Variants in ZNF865 observed in about 807,000 individuals in gnomAD.
The protein encoded by ZNF865 is zinc finger protein 865.
For missense variants in ZNF865, 1,311 were observed against 1,593.4 expected (o/e 0.82, Z 3.02); for synonymous variants, 763 against 750.8 (o/e 1.02, Z -0.27).
chr19:55,616,686 GCGAGGGCTTCGCCAACA>G lies in ZNF865; in HGVS notation c.3070_3086del (p.Glu1024LeufsTer102). ...CGGCCCTTCCGCTGCTCCTCCTGCGGCGAGGGCTTCGCCAACACCTACGGCCTCAAGAAACACCGCCT... is the reference window on the plus strand; with the variant it reads ...CGGCCCTTCCGCTGCTCCTCCTGCGGCCTACGGCCTCAAGAAACACCGCCT... On this transcript the variant is annotated frameshift_variant, in exon 2 of 2. Coordinates refer to ENST00000568956, the MANE Select transcript of ZNF865 (RefSeq NM_001195605.2). LOFTEE classifies it low-confidence loss of function (END_TRUNC). 1 of 1,530,166 alleles carries G rather than the reference GCGAGGGCTTCGCCAACA, an allele frequency of 6.5e-7. No individual in the cohort carries two copies. Among genetic ancestry groups the G allele is most frequent in the Non-Finnish European group, 8.7e-7 (1 of 1,144,392 alleles). The allele number at this position is 1,530,166 out of a possible 1,614,324, so 94.8% of individuals were successfully genotyped here.
chr19:55,614,118 C>T lies in ZNF865; in HGVS notation c.500C>T (p.Pro167Leu). Residue 167 changes from proline to leucine, a missense_variant, in exon 2 of 2, where the codon CCC (proline) becomes CTC (leucine). Transcript: ENST00000568956. This position sits in a 1 kb window ranked among gnomAD's most constrained non-coding sequence, Gnocchi z 8.0. ...TTTGGGAACCTGAAGCGAGGAGGGCCCGCGTCCGGGCCGGGGGTGACGCCT... is the reference window on the plus strand; with the variant it reads ...TTTGGGAACCTGAAGCGAGGAGGGCTCGCGTCCGGGCCGGGGGTGACGCCT... ...HLFGNLKRGG[P>L]ASGPGVTPGL... 7.0e-7 allele frequency: 1 copy of T among 1,430,314 alleles called. No homozygotes were observed. The highest frequency in any genetic ancestry group is 9.1e-7 in the Non-Finnish European group (1 of 1,101,496). The allele number at this position is 1,430,314 out of a possible 1,614,324, so 88.6% of individuals were successfully genotyped here.
chr19:55,613,667 G>A lies in ZNF865; in HGVS notation c.49G>A (p.Gly17Ser), dbSNP rs2123589962. 2 of 1,530,138 alleles carry A rather than the reference G, an allele frequency of 1.3e-6. No individual in the cohort carries two copies. Among genetic ancestry groups the A allele is most frequent in the South Asian group, 2.4e-5 (2 of 83,432 alleles). The allele number at this position is 1,530,138 out of a possible 1,614,324, so 94.8% of individuals were successfully genotyped here. The change falls in exon 2 of 2, where the codon GGC (glycine) becomes AGC (serine). Residue 17 changes from glycine (G) to serine (S), a missense_variant. By Grantham distance (56) the Gly-to-Ser change is moderately conservative (BLOSUM62 0). Transcript: ENST00000568956. ...GSGAGGGGSS[G>S]IGGEDGVHFQ... ...CGGCGCCGGGGGTGGCGGGAGCAGCGGCATCGGGGGCGAGGACGGGGTGCA... is the reference window on the plus strand; with the variant it reads ...CGGCGCCGGGGGTGGCGGGAGCAGCAGCATCGGGGGCGAGGACGGGGTGCA...
At position 55,615,822 on chromosome 19, in the gene ZNF865, A is replaced by C; in HGVS notation, c.2204A>C (p.Gln735Pro). The C allele has an allele frequency of 6.6e-7, 1 of 1,508,432 alleles. No homozygotes were observed. The allele number at this position is 1,508,432 out of a possible 1,614,324, so 93.4% of individuals were successfully genotyped here. A position where few individuals can be genotyped will look rare whatever the true frequency, so the allele number is the denominator to read the frequency against. ...CTCCCGCCCGCACCCGGCGGCCTGC[A>C]GCCCCCGGACGGCTCCAGCGGCACG... ...RLLPPAPGGL[Q>P]PPDGSSGTDA... Residue 735 changes from glutamine (Q) to proline (P), a missense_variant, in exon 2 of 2, where the codon CAG becomes CCG. Transcript: ENST00000568956.
At position 55,614,473 on chromosome 19, in the gene ZNF865, C is replaced by T. The variant is rs1981267407; in HGVS notation, c.855C>T (p.Pro285=). ...TGCCACCGGCCGCGGGGGGCCCGCC[C>T]CAGCCCGGCCCCCACCTCCCGCCGC... ...KDVPPAAGGP[P]QPGPHLPPLG... is the part of the protein sequence containing the mutation. Residue 285 remains proline, a synonymous_variant, in exon 2 of 2, where the codon CCC becomes CCT. Transcript: ENST00000568956. The surrounding 1 kb of genome is among the most constrained non-coding windows in gnomAD (Gnocchi z 8.0). 3 of 1,383,040 alleles carry T rather than the reference C, an allele frequency of 2.2e-6. No individual in the cohort carries two copies. The highest frequency in any genetic ancestry group is 1.5e-5 in the African/African-American group (1 of 65,804). The allele number at this position is 1,383,040 out of a possible 1,614,324, so 85.7% of individuals were successfully genotyped here.
chr19:55,614,470 G>T lies in ZNF865; in HGVS notation c.852G>T (p.Pro284=), dbSNP rs1265369190. Residue 284 remains proline, a synonymous_variant, in exon 2 of 2, where the codon CCG becomes CCT. Coordinates refer to ENST00000568956, the MANE Select transcript of ZNF865 (RefSeq NM_001195605.2). The surrounding 1 kb of genome is among the most constrained non-coding windows in gnomAD (Gnocchi z 8.0). ...ACGTGCCACCGGCCGCGGGGGGCCCGCCCCAGCCCGGCCCCCACCTCCCGC... is the reference window on the plus strand; with the variant it reads ...ACGTGCCACCGGCCGCGGGGGGCCCTCCCCAGCCCGGCCCCCACCTCCCGC... ...HKDVPPAAGG[P]PQPGPHLPPL... The T allele has an allele frequency of 1.3e-5, 15 of 1,172,910 alleles. 1 individual carries two copies. The South Asian group carries it at 2.2e-4, about 17-fold the overall frequency. 72.7% of individuals were successfully genotyped at this position (1,172,910 alleles called of 1,614,324 possible).
chr19:55,616,992 T>G lies in ZNF865; in HGVS notation c.*194T>G, dbSNP rs1371081596. 9.7e-6 allele frequency: 5 copies of G among 515,492 alleles called. No homozygotes were observed. The highest frequency in any genetic ancestry group is 3.9e-5 in the Admixed American group (1 of 25,352). The allele number at this position is 515,492 out of a possible 1,614,324, so 31.9% of individuals were successfully genotyped here. On this transcript the variant is annotated 3_prime_UTR_variant, in exon 2 of 2. Coordinates refer to ENST00000568956, the MANE Select transcript of ZNF865 (RefSeq NM_001195605.2). The stretch of plus-strand genomic sequence containing the variant: ...CATCCTCGACCTCTCTGCCCTCCCC[T>G]CATCCCATCAGACACTGAACCCTAT...
rs760572436 is a variant in ZNF865, at chr19:55,616,579, C to G, written c.2961C>G (p.Pro987=). ...RHQRAHEPPR[P]ELRCPACLKA... Reference sequence around the variant, plus strand: ...AGCGCGCCCATGAGCCGCCGCGGCCCGAGCTCCGCTGCCCCGCCTGCCTCA... The same window carrying G: ...AGCGCGCCCATGAGCCGCCGCGGCCGGAGCTCCGCTGCCCCGCCTGCCTCA... The change falls in exon 2 of 2, where the codon CCC becomes CCG. Residue 987 remains proline (P), a synonymous_variant. Coordinates refer to ENST00000568956, the MANE Select transcript of ZNF865 (RefSeq NM_001195605.2). 43 of 1,529,224 alleles carry G rather than the reference C, an allele frequency of 2.8e-5. No homozygotes were observed. The highest frequency in any genetic ancestry group is 1.1e-4 in the African/African-American group (8 of 72,786). 94.7% of individuals were successfully genotyped at this position (1,529,224 alleles called of 1,614,324 possible).
At position 55,615,580 on chromosome 19, in the gene ZNF865, C is replaced by A; in HGVS notation, c.1962C>A (p.Pro654=). ...AAGGCACACCGGGGGCCTGTGGGCC[C>A]GGGGCCTCGGGCACGTCTGCAGGGC... ...STQGTPGACG[P]GASGTSAGPT... Residue 654 remains proline, a synonymous_variant, in exon 2 of 2, where the codon CCC becomes CCA. Coordinates refer to ENST00000568956, the MANE Select transcript of ZNF865 (RefSeq NM_001195605.2). The A allele has an allele frequency of 3.3e-6, 5 of 1,529,674 alleles. No homozygotes were observed. In the South Asian group the frequency reaches 4.8e-5, roughly 15 times the overall value. 94.8% of individuals were successfully genotyped at this position (1,529,674 alleles called of 1,614,324 possible).
At chr19:55,609,495 G>A (rs143002166) in intron 1 of ZNF865, among the ~76,000 whole-genome samples, 200 of 152,294 alleles carry the variant, frequency 1.3e-3, no homozygotes, top group African/African-American at 4.6e-3. Flanking sequence ...ATATGCGCAC[G>A]TTACTCTTTA....
chr19:55,606,064 A>G (rs960547292), intron 1 of ZNF865, among the ~76,000 whole-genome samples: 5 of 152,060 alleles, frequency 3.3e-5, no homozygotes, highest in African/African-American at 1.2e-4. Flanking sequence ...CAGCCTCCAG[A>G]TGCCATCAGC....
intron 1 of ZNF865, among the ~76,000 whole-genome samples, chr19:55,609,000 A>G (rs1363226400): frequency 6.6e-6 from 1 of 152,146 alleles, no homozygotes; most frequent in Non-Finnish European, 1.5e-5. Context: ...CCCTGCCACT[A>G]GTTAACAATG....
Position 55,616,408 on chromosome 19 carries a change from G to C in ZNF865, c.2790G>C (p.Arg930=). The C allele has an allele frequency of 6.6e-7, 1 of 1,505,892 alleles. No individual in the cohort carries two copies. Among genetic ancestry groups the C allele is most frequent in the Non-Finnish European group, 8.8e-7 (1 of 1,133,384 alleles). The allele number at this position is 1,505,892 out of a possible 1,614,324, so 93.3% of individuals were successfully genotyped here. A position where few individuals can be genotyped will look rare whatever the true frequency, so the allele number is the denominator to read the frequency against. ...AEHRRLHAVA[R]PQRCSACGKT... is the part of the protein sequence containing the mutation. ...ACCGGCGGCTGCACGCTGTGGCCCG[G>C]CCCCAGCGCTGCAGCGCCTGTGGCA... The change falls in exon 2 of 2, where the codon CGG becomes CGC. Residue 930 remains arginine, a synonymous_variant. Coordinates refer to ENST00000568956, the MANE Select transcript of ZNF865 (RefSeq NM_001195605.2).
At position 55,615,106 on chromosome 19, in the gene ZNF865, C is replaced by A; in HGVS notation, c.1488C>A (p.Pro496=). 1 of 1,204,064 alleles carries A rather than the reference C, an allele frequency of 8.3e-7. No homozygotes were observed. Among genetic ancestry groups the A allele is most frequent in the Non-Finnish European group, 1.0e-6 (1 of 968,472 alleles). 74.6% of individuals were successfully genotyped at this position (1,204,064 alleles called of 1,614,324 possible). The change falls in exon 2 of 2, where the codon CCC becomes CCA. Residue 496 remains proline (P), a synonymous_variant. Coordinates refer to ENST00000568956, the MANE Select transcript of ZNF865 (RefSeq NM_001195605.2). ...CCCCGGGCCCGTACCTCCTGCCCCC[C>A]GACCCTCCCACCACAGACAGCGAGA... ...TFPPGPYLLP[P]DPPTTDSEKA...
At chr19:55,610,088 G>A (rs1185763854) in intron 1 of ZNF865, among the ~76,000 whole-genome samples, 5 of 152,036 alleles carry the variant, frequency 3.3e-5, no homozygotes, top group Non-Finnish European at 7.4e-5. Flanking sequence ...GTCCCCCTCC[G>A]TTCCTCTGGG....
Position 55,613,877 on chromosome 19 carries a change from C to A in ZNF865, c.259C>A (p.Pro87Thr). Residue 87 changes from proline (P) to threonine (T), a missense_variant, in exon 2 of 2, where the codon CCC (proline) becomes ACC (threonine). Coordinates refer to ENST00000568956, the MANE Select transcript of ZNF865 (RefSeq NM_001195605.2). ...CTACCCGCCCCAGTCCACCTTCAAG[C>A]CCAAGGCGGAGGTGCCCTCCTCGTC... ...YDYPPQSTFKPKAEVPSSSSS... is the reference protein window; with the variant it reads ...YDYPPQSTFKTKAEVPSSSSS... 1 of 1,497,196 alleles carries A rather than the reference C, an allele frequency of 6.7e-7. No individual in the cohort carries two copies. The highest frequency in any genetic ancestry group is 9.0e-7 in the Non-Finnish European group (1 of 1,116,120). The allele number at this position is 1,497,196 out of a possible 1,614,324, so 92.7% of individuals were successfully genotyped here.
Position 55,613,824 on chromosome 19 carries a change from C to G in ZNF865, c.206C>G (p.Pro69Arg). 4.7e-6 allele frequency: 7 copies of G among 1,498,686 alleles called. No individual in the cohort carries two copies. Among genetic ancestry groups the G allele is most frequent in the Non-Finnish European group, 6.2e-6 (7 of 1,126,674 alleles). 92.8% of individuals were successfully genotyped at this position (1,498,686 alleles called of 1,614,324 possible). The change falls in exon 2 of 2, where the codon CCG becomes CGG. Residue 69 changes from proline (P) to arginine (R), a missense_variant. Physicochemically the swap from Pro to Arg is moderately radical, Grantham distance 103 (BLOSUM62 -2). Coordinates refer to ENST00000568956, the MANE Select transcript of ZNF865 (RefSeq NM_001195605.2). ...PCAPGPPPQP[P>R]PQPPPPQYDY... ...GCCCCCGGCCCCCCGCCGCAGCCCC[C>G]GCCGCAGCCCCCTCCCCCGCAGTAT...
chr19:55,615,451 C>T lies in ZNF865; in HGVS notation c.1833C>T (p.Cys611=), dbSNP rs1981316235. 6.6e-7 allele frequency: 1 copy of T among 1,503,958 alleles called. No homozygotes were observed. Among genetic ancestry groups the T allele is most frequent in the Non-Finnish European group, 8.8e-7 (1 of 1,130,202 alleles). 93.2% of individuals were successfully genotyped at this position (1,503,958 alleles called of 1,614,324 possible). A position where few individuals can be genotyped will look rare whatever the true frequency, so the allele number is the denominator to read the frequency against. Reference sequence around the variant, plus strand: ...AGCGGCCCTACAAGTGCGAGCTCTGCGGCAAGGTCTTCGGCTACCCGCAGA... The same window carrying T: ...AGCGGCCCTACAAGTGCGAGCTCTGTGGCAAGGTCTTCGGCTACCCGCAGA... ...TRERPYKCEL[C]GKVFGYPQSL... The change falls in exon 2 of 2, where the codon TGC becomes TGT. Residue 611 remains cysteine (C), a synonymous_variant. Coordinates refer to ENST00000568956, the MANE Select transcript of ZNF865 (RefSeq NM_001195605.2).
In ZNF865 at chr19:55,614,431, C is replaced by G; in HGVS notation, c.813C>G (p.Arg271=). The change falls in exon 2 of 2, where the codon CGC becomes CGG. Residue 271 remains arginine (R), a synonymous_variant. Transcript: ENST00000568956. This position sits in a 1 kb window ranked among gnomAD's most constrained non-coding sequence, Gnocchi z 8.0. The part of the protein sequence containing the change: ...YNHVSSLIRH[R]RCHKDVPPAA... ...ACGTGTCCAGCCTCATCCGCCACCG[C>G]CGCTGCCACAAGGACGTGCCACCGG... 1.4e-6 allele frequency: 2 copies of G among 1,455,452 alleles called. No individual in the cohort carries two copies. The highest frequency in any genetic ancestry group is 1.8e-6 in the Non-Finnish European group (2 of 1,106,134). The allele number at this position is 1,455,452 out of a possible 1,614,324, so 90.2% of individuals were successfully genotyped here.
At position 55,615,860 on chromosome 19, in the gene ZNF865, G is replaced by A. The variant is rs1022862597; in HGVS notation, c.2242G>A (p.Val748Met). The stretch of plus-strand genomic sequence containing the variant: ...CTCCAGCGGCACGGATGCGGCCAGC[G>A]TGCTGGACAACGGGCTGGCGGGGGA... ...DGSSGTDAAS[V>M]LDNGLAGEVG... The change falls in exon 2 of 2, where the codon GTG becomes ATG. Residue 748 changes from valine to methionine, a missense_variant. Transcript: ENST00000568956. 4 of 1,489,562 alleles carry A rather than the reference G, an allele frequency of 2.7e-6. No homozygotes were observed. Among genetic ancestry groups the A allele is most frequent in the Admixed American group, 2.3e-5 (1 of 43,914 alleles). The allele number at this position is 1,489,562 out of a possible 1,614,324, so 92.3% of individuals were successfully genotyped here. A position where few individuals can be genotyped will look rare whatever the true frequency, so the allele number is the denominator to read the frequency against.
Sources: gnomAD v4.1 joint callset for allele counts (sites outside exome capture counted in the v4.1 genomes callset) on GRCh38, gnomAD v4.1.1 for gene constraint, Gnocchi (gnomAD v3.1) non-coding constraint, MANE v1.5 for transcripts, NCBI Gene and HGNC (gene_info 2026-07-23, HGNC 2026-07-21) for gene names.